SERHL2: variants seen among roughly 807,000 people sequenced by gnomAD.
The protein encoded by SERHL2 is serine hydrolase-like protein 2.
SERHL2 carries 29 observed loss-of-function variants against 25.5 expected under a neutral mutation model. The ratio of observed to expected loss-of-function variants is 1.14; its 90% confidence interval spans 0.85 to 1.55. The LOEUF (loss-of-function observed/expected upper bound fraction) is 1.55. Ranked by LOEUF, SERHL2 falls within the 40% of genes most tolerant of loss-of-function variation. The pLI, the probability that SERHL2 is intolerant of heterozygous loss-of-function variation, is 0.00. For missense variants in SERHL2, 240 were observed against 252.3 expected (o/e 0.95, Z 0.33); for synonymous variants, 95 against 103.5 (o/e 0.92, Z 0.50).
chr22:42,554,132 C>A, intron 1 of SERHL2, 90 bp downstream of exon 1: 2 of 1,466,254 alleles, frequency 1.4e-6, no homozygotes, highest in Non-Finnish European at 1.9e-6. Flanking sequence ...GAGGGTTCGC[C>A]GACCGCGTCG....
chr22:42,563,573 C>T (rs147002576), intron 8 of SERHL2: 1 of 221,600 alleles, frequency 4.5e-6, no homozygotes, highest in African/African-American at 2.3e-5. Flanking sequence ...AGGCTCAAAT[C>T]TTTCTCATAA....
At position 42,574,327 on chromosome 22, in the gene SERHL2, C is replaced by G. The variant is rs556111380; in HGVS notation, c.*272C>G. On this transcript the variant is annotated 3_prime_UTR_variant, in exon 12 of 12. Transcript: ENST00000327678. ...AGGAAGGAAGGGCAGGCTGGGCCCA[C>G]CTAGCCTTTCCCTGCTGCCCAACTG... is the stretch of plus-strand genomic sequence containing the variant. 2 of 531,764 alleles carry G rather than the reference C, an allele frequency of 3.8e-6. No individual in the cohort carries two copies. The highest frequency in any genetic ancestry group is 4.6e-5 in the South Asian group (2 of 43,326). The allele number at this position is 531,764 out of a possible 1,614,324, so 32.9% of individuals were successfully genotyped here.
At position 42,572,450 on chromosome 22, in the gene SERHL2, A is replaced by C. The variant is rs1326517805; in HGVS notation, c.746A>C (p.Tyr249Ser). ...TCACTTTCCAGAGCAGTCCACGGAT[A>C]TTTTGATTCAAGACAGAATTACTCT... ...HVLLIKAVHGYFDSRQNYSEK... is the reference protein window; with the variant it reads ...HVLLIKAVHGSFDSRQNYSEK... Residue 249 changes from tyrosine to serine, a missense_variant, in exon 11 of 12, where the codon TAT becomes TCT. By Grantham distance (144) the Tyr-to-Ser change is moderately radical (BLOSUM62 -2). Transcript: ENST00000327678. 4 of 1,610,520 alleles carry C rather than the reference A, an allele frequency of 2.5e-6. No individual in the cohort carries two copies. Among genetic ancestry groups the C allele is most frequent in the Non-Finnish European group, 3.4e-6 (4 of 1,177,236 alleles).
chr22:42,566,421 G>GA, intron 9 of SERHL2, 83 bp downstream of exon 9: 3 of 1,369,198 alleles, frequency 2.2e-6, no homozygotes, highest in Non-Finnish European at 2.1e-6. Context: ...GGCCAGGCGT[G>GA]GTGGCTCACG....
At chr22:42,564,068 G>A (rs982438687) in intron 8 of SERHL2, among the ~76,000 whole-genome samples, 2 of 150,932 alleles carry the variant, frequency 1.3e-5, no homozygotes, top group African/African-American at 2.4e-5. Flanking sequence ...GTGAAACTTC[G>A]TCTCAGAAAA....
intron 8 of SERHL2, among the ~76,000 whole-genome samples, chr22:42,565,806 C>G (rs1195044409): frequency 6.6e-6 from 1 of 151,786 alleles, no homozygotes; most frequent in Admixed American, 6.6e-5. Flanking sequence ...TTAGGCCCCC[C>G]ACCAAGAAAA....
chr22:42,566,021 C>T (rs1264923648), intron 8 of SERHL2, among the ~76,000 whole-genome samples: 5 of 152,022 alleles, frequency 3.3e-5, no homozygotes, highest in Non-Finnish European at 5.9e-5. Flanking sequence ...CCACCGTCCA[C>T]GAGGCTATTA....
intron 10 of SERHL2, 57 bp downstream of exon 10, chr22:42,571,260 T>A: frequency 1.9e-6 from 3 of 1,606,470 alleles, no homozygotes; most frequent in Non-Finnish European, 2.6e-6. Flanking sequence ...GCGCCAGGAA[T>A]CTCCGGGAGG....
At chr22:42,564,830 C>G (rs1344424385) in intron 8 of SERHL2, among the ~76,000 whole-genome samples, 1 of 151,764 alleles carries the variant, frequency 6.6e-6, no homozygotes, top group Non-Finnish European at 1.5e-5. Flanking sequence ...CAGGGTCTTG[C>G]TGTGTTGGCC....
intron 11 of SERHL2, chr22:42,573,608 C>A: frequency 3.5e-6 from 1 of 286,914 alleles, no homozygotes; most frequent in Non-Finnish European, 6.6e-6. Flanking sequence ...TGTTCACGCC[C>A]CCATCTCATT....
chr22:42,568,083 G>T (rs1923651059), intron 9 of SERHL2, among the ~76,000 whole-genome samples: 1 of 151,932 alleles, frequency 6.6e-6, no homozygotes, highest in Non-Finnish European at 1.5e-5. Context: ...GGAGTGCCAT[G>T]GCTCAATTAT....
chr22:42,570,728 G>T (rs986604666), intron 9 of SERHL2, among the ~76,000 whole-genome samples: 3 of 152,180 alleles, frequency 2.0e-5, no homozygotes, highest in Admixed American at 1.3e-4. Context: ...GCTGGCAGGG[G>T]ACAGCGTGAG....
At chr22:42,558,991 T>C (rs1303116769) in intron 7 of SERHL2, among the ~76,000 whole-genome samples, 3 of 41,970 alleles carry the variant, frequency 7.1e-5, no homozygotes, top group Non-Finnish European at 1.2e-4. Context: ...AGGTCAGAGC[T>C]CCACACATAT....
chr22:42,556,330 G>GGT, intron 5 of SERHL2, 184 bp from the exon 6 acceptor site: 1 of 521,242 alleles, frequency 1.9e-6, no homozygotes, highest in Non-Finnish European at 3.6e-6. Context: ...CTCAGTGCTG[G>GGT]GTGCAGACTT....
At chr22:42,563,308 ATCC>A (rs1922930792) in intron 8 of SERHL2, 1 of 253,708 alleles carries the variant, frequency 3.9e-6, no homozygotes, top group African/African-American at 2.3e-5. Context: ...GGCTCAGGCG[ATCC>A]TCCTACCTCA....
chr22:42,559,417 A>G (rs1922387102), intron 7 of SERHL2, among the ~76,000 whole-genome samples: 1 of 151,236 alleles, frequency 6.6e-6, no homozygotes. Flanking sequence ...ATTAGAATAC[A>G]AGGTCCAGGC....
At chr22:42,567,343 TTC>T (rs1463103129) in intron 9 of SERHL2, among the ~76,000 whole-genome samples, 1 of 150,602 alleles carries the variant, frequency 6.6e-6, no homozygotes, top group Non-Finnish European at 1.5e-5. Flanking sequence ...TCATTTTCTT[TTC>T]TTTTTTTCTT....
rs1019943010 is a variant in SERHL2, at chr22:42,554,149, T to G, written c.22+107T>G. The G allele has an allele frequency of 1.9e-5, 26 of 1,350,814 alleles. 1 individual carries two copies. The African/African-American group carries it at 3.0e-4, about 16-fold the overall frequency. The allele number at this position is 1,350,814 out of a possible 1,614,324, so 83.7% of individuals were successfully genotyped here. A position where few individuals can be genotyped will look rare whatever the true frequency, so the allele number is the denominator to read the frequency against. Reference sequence around the variant, plus strand: ...GGGTTCGCCGACCGCGTCGCCCTCCTGGGTGTCGCAGCTCCTTCCTCGGCA... The same window carrying G: ...GGGTTCGCCGACCGCGTCGCCCTCCGGGGTGTCGCAGCTCCTTCCTCGGCA... On this transcript the variant is annotated intron_variant, in intron 1 of 11. Transcript: ENST00000327678.
intron 8 of SERHL2, 55 bp from the exon 9 acceptor site, chr22:42,566,249 C>T (rs1923361870): frequency 8.2e-6 from 13 of 1,577,182 alleles, no homozygotes; most frequent in Non-Finnish European, 1.0e-5. Flanking sequence ...CACGGAGCGT[C>T]CCCTGACCCT....
Sources: allele counts gnomAD v4.1 joint callset (sites outside exome capture counted in the v4.1 genomes callset), GRCh38; gene constraint gnomAD v4.1.1; transcripts MANE v1.5; gene names NCBI Gene and HGNC (gene_info 2026-07-23, HGNC 2026-07-21).